Variants in ANKRD45 observed in about 807,000 individuals in gnomAD.
The protein encoded by ANKRD45 is ankyrin repeat domain 45.
Under a neutral mutation model 28.1 loss-of-function variants are expected in ANKRD45, and 21 were observed. That is an observed-to-expected ratio of 0.75 (90% confidence interval 0.53 to 1.08). The LOEUF (loss-of-function observed/expected upper bound fraction) is 1.08. Ranked by LOEUF, ANKRD45 falls within the 50% of genes least tolerant of loss-of-function variation. ANKRD45 has a pLI of 0.00. For missense variants in ANKRD45, 261 were observed against 308.7 expected, an observed-to-expected ratio of 0.85 and a Z score of 1.16; for synonymous variants, 86 against 103.9, an observed-to-expected ratio of 0.83 and a Z score of 1.05.
At chr1:173,633,688 A>G (rs1175784832) in intron 3 of ANKRD45, among the ~76,000 whole-genome samples, 1 of 152,028 alleles carries the variant, frequency 6.6e-6, no homozygotes, top group East Asian at 1.9e-4. Context: ...ACCCAGAAAT[A>G]AATCTATAAA....
Position 173,659,396 on chromosome 1 carries a change from T to C in ANKRD45, c.23A>G (p.Glu8Gly). ...TGAGAAAAATTCTGAACTCTCTGAC[T>C]CTGGAGGTCCTTCTGACTCCATTAA... is the stretch of plus-strand genomic sequence containing the variant. Reference protein sequence around the residue: MESEGPPESESSEFFSQQ... With the variant: MESEGPPGSESSEFFSQQ... Residue 8 changes from glutamate (E) to glycine (G), a missense_variant, in exon 2 of 6, where the codon GAG (glutamate) becomes GGG (glycine). Glu to Gly is a moderately conservative substitution (Grantham distance 98). Transcript: ENST00000333279. 1 of 1,579,088 alleles carries C rather than the reference T, an allele frequency of 6.3e-7. No individual in the cohort carries two copies. The highest frequency in any genetic ancestry group is 8.6e-7 in the Non-Finnish European group (1 of 1,166,668).
intron 2 of ANKRD45, among the ~76,000 whole-genome samples, chr1:173,656,478 T>A (rs1669517455): frequency 6.6e-6 from 1 of 152,224 alleles, no homozygotes; most frequent in Non-Finnish European, 1.5e-5. Context: ...TTTCTTATAC[T>A]CTAATCTTTA....
At chr1:173,675,153 A>G in the ANKRD45 span, among the ~76,000 whole-genome samples, 1 of 152,144 alleles carries the variant, frequency 6.6e-6, no homozygotes. Flanking sequence ...ATGTACGTAA[A>G]TAGGTTGCTA....
At position 173,653,614 on chromosome 1, in the gene ANKRD45, C is replaced by T. The variant is rs565213516; in HGVS notation, c.328+5477G>A. On this transcript the variant is annotated intron_variant, in intron 2 of 5. Coordinates refer to ENST00000333279, the MANE Select transcript of ANKRD45 (RefSeq NM_198493.3). ...AGCATTCTGCAGATGTCTATTAGGT[C>T]TGCTTGGTGCAGAGCTGAGTTCAAG... Among the ~76,000 whole-genome samples the T allele has an allele frequency of 4.6e-5, 7 of 152,288 alleles. No homozygotes were observed. The East Asian group carries it at 1.3e-3, about 29-fold the overall frequency.
At chr1:173,619,644 A>G (rs1401129482) in intron 5 of ANKRD45, among the ~76,000 whole-genome samples, 2 of 152,166 alleles carry the variant, frequency 1.3e-5, no homozygotes, top group Admixed American at 1.3e-4. Context: ...CCTAGCCAAC[A>G]TAGTGAAACC....
At chr1:173,676,300 CAGGT>C in the ANKRD45 span, among the ~76,000 whole-genome samples, 1 of 152,176 alleles carries the variant, frequency 6.6e-6, no homozygotes, top group East Asian at 1.9e-4. Flanking sequence ...CTGTAGAAAT[CAGGT>C]AGACAGAAAC....
At chr1:173,641,704 C>T (rs114390315) in intron 3 of ANKRD45, among the ~76,000 whole-genome samples, 1 of 152,120 alleles carries the variant, frequency 6.6e-6, no homozygotes, top group South Asian at 2.1e-4. Context: ...AAAAACAAGA[C>T]ACTGCAGGCC....
intron 1 of ANKRD45, among the ~76,000 whole-genome samples, chr1:173,664,334 T>C (rs6677292): frequency 0.17 from 25,893 of 152,238 alleles, 7,335 homozygotes; most frequent in African/African-American, 0.59. Context: ...GTAGTTGTAA[T>C]CTTTTGAAAC....
chr1:173,714,675 G>A, the ANKRD45 span, among the ~76,000 whole-genome samples: 2 of 152,224 alleles, frequency 1.3e-5, no homozygotes, highest in African/African-American at 2.4e-5. Context: ...AGCTTTCTGT[G>A]ACTACCCTTT....
the ANKRD45 span, among the ~76,000 whole-genome samples, chr1:173,676,834 C>CAAAAAAA: frequency 1.0e-5 from 1 of 98,806 alleles, no homozygotes. Context: ...GACTCCATCT[C>CAAAAAAA]AAAAAAAAAA....
In ANKRD45 at chr1:173,620,152, GTTC is replaced by G. The variant is rs370718334; in HGVS notation, c.730+4632_730+4634del. Reference sequence around the variant, plus strand: ...TTCACCCAAAAACAACAGAATATACGTTCTTCTCATCACCACGTGGCACTTACT... The same window carrying G: ...TTCACCCAAAAACAACAGAATATACGTTCTCATCACCACGTGGCACTTACT... On this transcript the variant is annotated intron_variant, in intron 5 of 5. Coordinates refer to ENST00000333279, the MANE Select transcript of ANKRD45 (RefSeq NM_198493.3). 2.4e-4 allele frequency among the ~76,000 whole-genome samples: 36 copies of G among 152,242 alleles called. No homozygotes were observed. The East Asian group carries it at 6.0e-3, about 25-fold the overall frequency.
chr1:173,649,145 C>T (rs867222154), intron 2 of ANKRD45, among the ~76,000 whole-genome samples: 11 of 151,980 alleles, frequency 7.2e-5, no homozygotes, highest in African/African-American at 2.7e-4. Flanking sequence ...TGTTTATTTC[C>T]AATGATTAAC....
chr1:173,686,915 G>T, the ANKRD45 span, among the ~76,000 whole-genome samples: 5 of 152,136 alleles, frequency 3.3e-5, no homozygotes, highest in Non-Finnish European at 7.4e-5. Context: ...CTGACCAGAA[G>T]GTAAGATTTT....
chr1:173,677,651 G>C, the ANKRD45 span, among the ~76,000 whole-genome samples: 3 of 152,162 alleles, frequency 2.0e-5, no homozygotes, highest in Admixed American at 1.3e-4. Context: ...ACTGCTGTCA[G>C]TGTTTAAGAC....
chr1:173,653,090 T>TGCTTCTGTTCTTC (rs1243576921), intron 2 of ANKRD45, among the ~76,000 whole-genome samples: 1 of 152,214 alleles, frequency 6.6e-6, no homozygotes, highest in Non-Finnish European at 1.5e-5. Flanking sequence ...TTTGTGTCTC[T>TGCTTCTGTTCTTC]ATCTCCTTCA....
chr1:173,676,930 A>G, the ANKRD45 span, among the ~76,000 whole-genome samples: 5 of 151,932 alleles, frequency 3.3e-5, no homozygotes, highest in Non-Finnish European at 7.4e-5. Context: ...AAGAAAACCA[A>G]ACACCATTTC....
chr1:173,666,941 C>A (rs1670048315), intron 1 of ANKRD45, among the ~76,000 whole-genome samples: 1 of 151,986 alleles, frequency 6.6e-6, no homozygotes, highest in African/African-American at 2.4e-5. Context: ...TCTGTAGAGA[C>A]AGGGGGTCTG....
chr1:173,653,916 C>A (rs1320329122), intron 2 of ANKRD45, among the ~76,000 whole-genome samples: 1 of 149,716 alleles, frequency 6.7e-6, no homozygotes, highest in African/African-American at 2.5e-5. Flanking sequence ...AGGATTGCAA[C>A]CCTTGCTTTT....
intron 5 of ANKRD45, among the ~76,000 whole-genome samples, chr1:173,616,767 T>G (rs554464491): frequency 1.3e-5 from 2 of 152,208 alleles, no homozygotes; most frequent in East Asian, 3.9e-4. Flanking sequence ...AAAGCTGCAG[T>G]CCACAGCTCT....
Sources: gnomAD v4.1 joint callset for allele counts (sites outside exome capture counted in the v4.1 genomes callset) on GRCh38, gnomAD v4.1.1 for gene constraint, MANE v1.5 for transcripts, NCBI Gene and HGNC (gene_info 2026-07-23, HGNC 2026-07-21) for gene names.